CACHD1: variants seen among roughly 807,000 people sequenced by gnomAD.
CACHD1 encodes cache domain containing 1.
Under a neutral mutation model 138.7 loss-of-function variants are expected in CACHD1, and 71 were observed. The ratio of observed to expected loss-of-function variants is 0.51; its 90% CI spans 0.42 to 0.62. The LOEUF is 0.62. Among genes scored for constraint, CACHD1 ranks in the 20% least tolerant of loss-of-function variants. CACHD1 has a pLI of 0.00. For synonymous variants in CACHD1, 578 were observed against 591.5 expected (o/e 0.98, Z 0.33); for missense variants, 1,389 against 1,625.3 (o/e 0.85, Z 2.50).
At chr1:64,496,815 A>G (rs574358873) in intron 1 of CACHD1, among the ~76,000 whole-genome samples, 8 of 151,312 alleles carry the variant, frequency 5.3e-5, no homozygotes, top group East Asian at 3.9e-4. Flanking sequence ...ACACTCGTGC[A>G]TGGAAGCCCA....
intron 1 of CACHD1, among the ~76,000 whole-genome samples, chr1:64,547,567 A>G (rs1331717890): frequency 1.3e-5 from 2 of 152,144 alleles, no homozygotes; most frequent in African/African-American, 2.4e-5. Context: ...GGGTTTCACC[A>G]TGTTAGCCGG....
intron 8 of CACHD1, 100 bp from the exon 9 acceptor site, chr1:64,647,701 C>G: frequency 1.1e-6 from 1 of 944,400 alleles, no homozygotes; most frequent in Non-Finnish European, 1.6e-6. Flanking sequence ...TTTGGTATTA[C>G]AAGACCTCAT....
intron 13 of CACHD1, among the ~76,000 whole-genome samples, chr1:64,659,289 T>G (rs553507719): frequency 6.6e-6 from 1 of 152,308 alleles, no homozygotes; most frequent in Non-Finnish European, 1.5e-5. Flanking sequence ...TTCAACTTTC[T>G]TCTAGTGCTA....
Position 64,673,178 on chromosome 1 carries a change from G to A in CACHD1, c.2531G>A (p.Arg844Lys), listed in dbSNP as rs201954859. The A allele has an allele frequency of 1.2e-6, 2 of 1,613,378 alleles. No individual in the cohort carries two copies. The highest frequency in any genetic ancestry group is 1.7e-6 in the Non-Finnish European group (2 of 1,179,946). Residue 844 changes from arginine (R) to lysine (K), a missense_variant, in exon 18 of 27, where the codon AGG becomes AAG. Coordinates refer to ENST00000651257, the MANE Select transcript of CACHD1 (RefSeq NM_020925.4). The stretch of plus-strand genomic sequence containing the variant: ...TACAGGTGCTTCATAATGGAGGACA[G>A]GGGTTATCTGGTGGCGCACCCGACT... ...NKIRCFIMED[R>K]GYLVAHPTLI...
At chr1:64,688,131 C>G (rs1650425714) in intron 26 of CACHD1, among the ~76,000 whole-genome samples, 1 of 151,802 alleles carries the variant, frequency 6.6e-6, no homozygotes, top group Admixed American at 6.6e-5. Context: ...GAAGGGCCAC[C>G]ATGAATCTAA....
At chr1:64,641,753 AG>A (rs773261735) in intron 7 of CACHD1, 66 bp from the exon 8 acceptor site, 35 of 1,290,632 alleles carry the variant, frequency 2.7e-5, no homozygotes, top group Non-Finnish European at 3.7e-5. Flanking sequence ...GGACATGAAC[AG>A]GAAACTGAAC....
chr1:64,611,827 G>A (rs1405087103), intron 4 of CACHD1, among the ~76,000 whole-genome samples: 9 of 152,128 alleles, frequency 5.9e-5, no homozygotes, highest in African/African-American at 1.4e-4. Context: ...GCAGTGCCTC[G>A]CTACCTCATT....
intron 2 of CACHD1, among the ~76,000 whole-genome samples, chr1:64,560,842 G>A (rs1271964742): frequency 2.0e-5 from 3 of 151,728 alleles, no homozygotes; most frequent in African/African-American, 7.3e-5. Flanking sequence ...ATTTAATTCT[G>A]TTCATTTTTG....
At chr1:64,640,787 AT>A (rs1648686350) in intron 7 of CACHD1, among the ~76,000 whole-genome samples, 1 of 151,748 alleles carries the variant, frequency 6.6e-6, no homozygotes, top group Non-Finnish European at 1.5e-5. Flanking sequence ...AGAATTACAG[AT>A]TAGGAAGAAG....
intron 1 of CACHD1, among the ~76,000 whole-genome samples, chr1:64,503,168 T>C (rs1416866591): frequency 6.6e-6 from 1 of 152,118 alleles, no homozygotes; most frequent in African/African-American, 2.4e-5. Context: ...CGGCTTTTGA[T>C]AGTGAGTAAC....
At chr1:64,479,088 G>A (rs1399031922) in intron 1 of CACHD1, among the ~76,000 whole-genome samples, 1 of 152,174 alleles carries the variant, frequency 6.6e-6, no homozygotes, top group East Asian at 1.9e-4. Context: ...TATTCAGCGG[G>A]TTACAAAAAG....
intron 1 of CACHD1, among the ~76,000 whole-genome samples, chr1:64,513,400 G>C (rs1309247090): frequency 6.6e-6 from 1 of 152,144 alleles, no homozygotes; most frequent in African/African-American, 2.4e-5. Flanking sequence ...GTAAGCCATA[G>C]AGCTATAAGA....
chr1:64,614,031 C>G (rs1445137946), intron 4 of CACHD1, among the ~76,000 whole-genome samples: 1 of 152,216 alleles, frequency 6.6e-6, no homozygotes, highest in Non-Finnish European at 1.5e-5. Flanking sequence ...TACCTTCATT[C>G]TGGTTACACT....
intron 1 of CACHD1, among the ~76,000 whole-genome samples, chr1:64,485,469 T>C (rs1226547478): frequency 6.6e-6 from 1 of 152,260 alleles, no homozygotes; most frequent in Non-Finnish European, 1.5e-5. Context: ...ATCCATGTTG[T>C]ATGTATCAGT....
intron 9 of CACHD1, among the ~76,000 whole-genome samples, chr1:64,649,546 C>T (rs1032394320): frequency 6.6e-6 from 1 of 152,132 alleles, no homozygotes; most frequent in African/African-American, 2.4e-5. Context: ...GAGTGAGGCT[C>T]ACCTCCTACC....
intron 2 of CACHD1, among the ~76,000 whole-genome samples, chr1:64,554,597 C>T (rs187862046): frequency 3.9e-5 from 6 of 152,272 alleles, no homozygotes; most frequent in African/African-American, 1.4e-4. Context: ...TTGCCTCGCT[C>T]TGATTACTAA....
chr1:64,618,159 T>C (rs929590512), intron 4 of CACHD1, among the ~76,000 whole-genome samples: 2 of 150,620 alleles, frequency 1.3e-5, no homozygotes, highest in African/African-American at 4.9e-5. Flanking sequence ...TTAAAAAAAA[T>C]AGCAATAACA....
chr1:64,562,925 T>A (rs1646853383), intron 2 of CACHD1, among the ~76,000 whole-genome samples: 1 of 152,200 alleles, frequency 6.6e-6, no homozygotes, highest in South Asian at 2.1e-4. Context: ...TTTCTTCATA[T>A]ATCAAAAAGT....
At chr1:64,523,732 TA>T (rs1646515289) in intron 1 of CACHD1, among the ~76,000 whole-genome samples, 1 of 152,220 alleles carries the variant, frequency 6.6e-6, no homozygotes, top group South Asian at 2.1e-4. Context: ...TTTTAAAATG[TA>T]AGTTGACATA....
Sources: allele counts gnomAD v4.1 joint callset (sites outside exome capture counted in the v4.1 genomes callset), GRCh38; gene constraint gnomAD v4.1.1; transcripts MANE v1.5; gene names NCBI Gene and HGNC (gene_info 2026-07-23, HGNC 2026-07-21).